MTRF1: variants seen among roughly 807,000 people sequenced by gnomAD.
The protein encoded by MTRF1 is mitochondrial translation release factor 1, also known as peptide chain release factor 1, mitochondrial.
A neutral mutation model predicts 62.9 loss-of-function variants in MTRF1; 51 were observed. The ratio of observed to expected loss-of-function variants is 0.81; its 90% confidence interval spans 0.65 to 1.02. MTRF1 has a LOEUF of 1.02. Among genes scored for constraint, MTRF1 ranks in the 50% least tolerant of loss-of-function variants. The probability of loss-of-function intolerance (pLI) is 0.00; values close to 1 mark genes in which losing one functional copy is unlikely to be tolerated. For missense variants in MTRF1, 446 were observed against 530.0 expected, an observed-to-expected ratio of 0.84 and a Z score of 1.56; for synonymous variants, 158 against 181.9, an observed-to-expected ratio of 0.87 and a Z score of 1.06.
In MTRF1 at chr13:41,260,754, G is replaced by A. The variant is rs1381739316; in HGVS notation, c.154C>T (p.Leu52=). Residue 52 remains leucine (L), a synonymous_variant, in exon 2 of 10, where the codon CTG becomes TTG. Transcript: ENST00000379480. ...FRQNRNCILH[L]LSKNWSRRYC... ...CTCCTGGACCAATTCTTACTTAACA[G>A]ATGAAGAATGCAATTCCTGTTTTGT... The A allele has an allele frequency of 6.2e-7, 1 of 1,614,178 alleles. No individual in the cohort carries two copies. Among genetic ancestry groups the A allele is most frequent in the Non-Finnish European group, 8.5e-7 (1 of 1,180,024 alleles).
chr13:41,292,934 A>T, the MTRF1 span, among the ~76,000 whole-genome samples: 1 of 152,092 alleles, frequency 6.6e-6, no homozygotes, highest in Non-Finnish European at 1.5e-5. Flanking sequence ...AGACACTATC[A>T]CCAAAAAACT....
chr13:41,309,952 C>T, the MTRF1 span, among the ~76,000 whole-genome samples: 7 of 152,092 alleles, frequency 4.6e-5, no homozygotes, highest in South Asian at 4.1e-4. Flanking sequence ...GCTGAGATAG[C>T]GCCATTGCAT....
upstream of MTRF1, among the ~76,000 whole-genome samples, chr13:41,264,459 C>T (rs1262821406): frequency 1.3e-5 from 2 of 152,206 alleles, no homozygotes; most frequent in African/African-American, 4.8e-5. Flanking sequence ...AATTTACAGT[C>T]TTTCTATCTC....
the MTRF1 span, chr13:41,311,505 C>A: frequency 6.3e-7 from 1 of 1,586,550 alleles, no homozygotes; most frequent in Non-Finnish European, 8.6e-7. Flanking sequence ...CCCTGCCGGC[C>A]ACCTAGCCTC....
chr13:41,252,794 G>T, intron 4 of MTRF1, 42 bp from the exon 5 acceptor site: 2 of 1,557,492 alleles, frequency 1.3e-6, no homozygotes, highest in Non-Finnish European at 1.8e-6. Context: ...GACAAATTTC[G>T]GAAAGCCACC....
the MTRF1 span, among the ~76,000 whole-genome samples, chr13:41,273,220 G>A: frequency 6.6e-6 from 1 of 151,990 alleles, no homozygotes; most frequent in Non-Finnish European, 1.5e-5. Flanking sequence ...CAGTTGCTCG[G>A]GAGCCCGAGG....
chr13:41,249,813 C>G (rs1474210806), intron 5 of MTRF1, among the ~76,000 whole-genome samples: 1 of 151,370 alleles, frequency 6.6e-6, no homozygotes. Context: ...TTGTAGTAGA[C>G]ATGGTGGCCA....
chr13:41,259,686 A>T (rs567551514), intron 2 of MTRF1, among the ~76,000 whole-genome samples: 131 of 47,132 alleles, frequency 2.8e-3, no homozygotes, highest in African/African-American at 6.7e-3. Flanking sequence ...TGGGCGACAG[A>T]GCGAGACTCC....
chr13:41,295,243 A>T, the MTRF1 span, among the ~76,000 whole-genome samples: 1 of 152,170 alleles, frequency 6.6e-6, no homozygotes, highest in African/African-American at 2.4e-5. Context: ...GTAGAAAAGC[A>T]ATGTTTTCCT....
the MTRF1 span, among the ~76,000 whole-genome samples, chr13:41,310,526 C>T: frequency 9.9e-5 from 15 of 152,108 alleles, no homozygotes; most frequent in Non-Finnish European, 1.9e-4. Flanking sequence ...CAAAATTAGC[C>T]GGGTGTGGTG....
the MTRF1 span, among the ~76,000 whole-genome samples, chr13:41,290,957 G>T: frequency 5.3e-5 from 8 of 151,078 alleles, no homozygotes; most frequent in Non-Finnish European, 1.0e-4. Flanking sequence ...TTAGCCAGGC[G>T]TGATGGTGCA....
At chr13:41,295,012 A>C in the MTRF1 span, among the ~76,000 whole-genome samples, 1 of 152,108 alleles carries the variant, frequency 6.6e-6, no homozygotes. Flanking sequence ...AACTTCTCAG[A>C]CTTATATCTC....
At chr13:41,241,951 A>G (rs1043701875) in intron 5 of MTRF1, among the ~76,000 whole-genome samples, 2 of 152,256 alleles carry the variant, frequency 1.3e-5, no homozygotes, top group Admixed American at 6.5e-5. Flanking sequence ...CACTGGGGTT[A>G]CAAAATGGTG....
At chr13:41,249,958 GT>G (rs78144858) in intron 5 of MTRF1, among the ~76,000 whole-genome samples, 37 of 147,020 alleles carry the variant, frequency 2.5e-4, no homozygotes, top group Non-Finnish European at 3.3e-4. Flanking sequence ...TATTTGTAAT[GT>G]TTTTTTTTTA....
chr13:41,273,312 CGA>C, the MTRF1 span, among the ~76,000 whole-genome samples: 1 of 142,610 alleles, frequency 7.0e-6, no homozygotes, highest in Non-Finnish European at 1.5e-5. Flanking sequence ...GGCTACAGAG[CGA>C]GACTCCGTCT....
chr13:41,245,534 C>T (rs2038131082), intron 5 of MTRF1, among the ~76,000 whole-genome samples: 1 of 152,170 alleles, frequency 6.6e-6, no homozygotes, highest in African/African-American at 2.4e-5. Context: ...TGTGAGCCAC[C>T]ATGCTCAGCC....
At chr13:41,310,196 G>A in the MTRF1 span, among the ~76,000 whole-genome samples, 3 of 152,110 alleles carry the variant, frequency 2.0e-5, no homozygotes, top group African/African-American at 7.2e-5. Context: ...TGCCACTGTT[G>A]TATCTTTCTA....
chr13:41,297,273 A>G, the MTRF1 span, among the ~76,000 whole-genome samples: 1 of 152,208 alleles, frequency 6.6e-6, no homozygotes, highest in Non-Finnish European at 1.5e-5. Flanking sequence ...ACATTCCCCA[A>G]GGCTAGTGGG....
At chr13:41,280,044 T>TC in the MTRF1 span, among the ~76,000 whole-genome samples, 4 of 152,158 alleles carry the variant, frequency 2.6e-5, no homozygotes, top group African/African-American at 9.7e-5. Flanking sequence ...TTCAAGTGAT[T>TC]CCCCTGCCTC....
Sources: gnomAD v4.1 joint callset for allele counts (sites outside exome capture counted in the v4.1 genomes callset) on GRCh38, gnomAD v4.1.1 for gene constraint, MANE v1.5 for transcripts, NCBI Gene and HGNC (gene_info 2026-07-23, HGNC 2026-07-21) for gene names.